TMEM87A: variants seen among roughly 807,000 people sequenced by gnomAD.
TMEM87A encodes the protein transmembrane protein 87A.
A neutral mutation model predicts 90.0 loss-of-function variants in TMEM87A; 50 were observed. The ratio of observed to expected loss-of-function variants is 0.56; its 90% CI spans 0.44 to 0.70. TMEM87A has a LOEUF of 0.70. Among genes scored for constraint, TMEM87A ranks in the 30% least tolerant of loss-of-function variants. The pLI is 0.00. For missense variants in TMEM87A, 577 were observed against 660.5 expected (o/e 0.87, Z 1.39); for synonymous variants, 226 against 226.7 (o/e 1.00, Z 0.03).
At chr15:42,268,645 C>T (rs927147892) in intron 2 of TMEM87A, among the ~76,000 whole-genome samples, 3 of 151,688 alleles carry the variant, frequency 2.0e-5, no homozygotes, top group Admixed American at 1.3e-4. Flanking sequence ...CCAGCCTGGG[C>T]GACAGAGCGA....
At chr15:42,256,488 A>C (rs539846722) in intron 6 of TMEM87A, among the ~76,000 whole-genome samples, 1 of 152,328 alleles carries the variant, frequency 6.6e-6, no homozygotes, top group South Asian at 2.1e-4. Flanking sequence ...ATTTTCAGGA[A>C]GAAAGATCAA....
intron 2 of TMEM87A, among the ~76,000 whole-genome samples, chr15:42,269,058 A>G (rs1300890014): frequency 1.3e-5 from 2 of 152,028 alleles, no homozygotes; most frequent in African/African-American, 4.8e-5. Flanking sequence ...AAGGAAGCTC[A>G]TGTTATCATG....
At chr15:42,214,124 CG>C (rs200303558) in intron 19 of TMEM87A, among the ~76,000 whole-genome samples, 7 of 150,606 alleles carry the variant, frequency 4.6e-5, no homozygotes, top group Non-Finnish European at 7.4e-5. Flanking sequence ...ATAGAAAATC[CG>C]GGGGGGGAAC....
chr15:42,247,497 C>A (rs2050999555), intron 6 of TMEM87A, among the ~76,000 whole-genome samples: 1 of 152,186 alleles, frequency 6.6e-6, no homozygotes, highest in African/African-American at 2.4e-5. Context: ...TTTCAGCTTT[C>A]TACATATGCC....
chr15:42,240,980 T>C (rs909608833), intron 7 of TMEM87A, among the ~76,000 whole-genome samples: 2 of 152,256 alleles, frequency 1.3e-5, no homozygotes, highest in African/African-American at 2.4e-5. Context: ...GGGCCAAATC[T>C]GGCCACCAGC....
chr15:42,247,805 T>C (rs1419604568), intron 6 of TMEM87A, among the ~76,000 whole-genome samples: 2 of 152,196 alleles, frequency 1.3e-5, no homozygotes, highest in African/African-American at 2.4e-5. Flanking sequence ...TCGAAGTATT[T>C]TTTCCAATTC....
chr15:42,267,885 A>C, intron 3 of TMEM87A, 62 bp downstream of exon 3: 1 of 1,334,054 alleles, frequency 7.5e-7, no homozygotes, highest in Non-Finnish European at 1.1e-6. Flanking sequence ...CTATGAAATT[A>C]AGAGACTGGA....
At chr15:42,264,699 A>ATATATATTTTTATT in intron 3 of TMEM87A, among the ~76,000 whole-genome samples, 1 of 109,436 alleles carries the variant, frequency 9.1e-6, no homozygotes, top group Non-Finnish European at 1.9e-5. Context: ...ATATATATAT[A>ATATATATTTTTATT]TTTTTTTTTT....
chr15:42,215,153 ATGG>A (rs1240874629), intron 19 of TMEM87A, among the ~76,000 whole-genome samples: 9 of 152,204 alleles, frequency 5.9e-5, no homozygotes, highest in Non-Finnish European at 1.0e-4. Context: ...CTGGAATACA[ATGG>A]TAAGTATTTG....
At chr15:42,243,816 G>A (rs1305785786) in intron 7 of TMEM87A, among the ~76,000 whole-genome samples, 1 of 151,938 alleles carries the variant, frequency 6.6e-6, no homozygotes, top group Non-Finnish European at 1.5e-5. Flanking sequence ...CACCGCGCCC[G>A]GCCAATGTTA....
At chr15:42,213,392 C>G (rs1270636102) in intron 19 of TMEM87A, among the ~76,000 whole-genome samples, 1 of 152,210 alleles carries the variant, frequency 6.6e-6, no homozygotes, top group Non-Finnish European at 1.5e-5. Context: ...GAATCCCCAA[C>G]ATCCCCAAAT....
At chr15:42,252,340 G>C (rs1428252808) in intron 6 of TMEM87A, among the ~76,000 whole-genome samples, 1 of 152,186 alleles carries the variant, frequency 6.6e-6, no homozygotes, top group Non-Finnish European at 1.5e-5. Context: ...GATCACGCTG[G>C]GAGCTGTAGA....
At chr15:42,239,601 C>T in intron 8 of TMEM87A, 69 bp downstream of exon 8, 1 of 1,314,024 alleles carries the variant, frequency 7.6e-7, no homozygotes, top group Non-Finnish European at 1.1e-6. Context: ...AATACTGCCA[C>T]AAAACATGGG....
intron 6 of TMEM87A, among the ~76,000 whole-genome samples, chr15:42,244,738 A>G (rs1212008577): frequency 2.8e-5 from 4 of 144,912 alleles, no homozygotes; most frequent in Non-Finnish European, 4.6e-5. Context: ...ACAAATTAAC[A>G]GTCTCCAAGT....
intron 15 of TMEM87A, among the ~76,000 whole-genome samples, chr15:42,223,939 T>C (rs752534631): frequency 2.6e-5 from 4 of 152,142 alleles, no homozygotes; most frequent in Admixed American, 1.3e-4. Flanking sequence ...GGGAACGTAA[T>C]CTGGAAATAC....
At chr15:42,227,542 C>G (rs1411542168) in intron 14 of TMEM87A, 169 bp downstream of exon 14, 1 of 561,814 alleles carries the variant, frequency 1.8e-6, no homozygotes, top group Admixed American at 3.2e-5. Flanking sequence ...TACCAAGCAC[C>G]ATGATAGTAC....
chr15:42,221,293 GAGAC>G (rs1251465307), intron 15 of TMEM87A, among the ~76,000 whole-genome samples: 4 of 147,222 alleles, frequency 2.7e-5, no homozygotes, highest in Middle Eastern at 3.4e-3. Context: ...GAGAGAGAGA[GAGAC>G]AGAGAGAGAG....
In TMEM87A at chr15:42,210,758, G is replaced by A. The variant is rs933671326; in HGVS notation, c.*950C>T. 6.5e-6 allele frequency: 1 copy of A among 152,816 alleles called. No individual in the cohort carries two copies. Among genetic ancestry groups the A allele is most frequent in the East Asian group, 1.9e-4 (1 of 5,194 alleles). 9.5% of individuals were successfully genotyped at this position (152,816 alleles called of 1,614,324 possible). Reference sequence around the variant, plus strand: ...GTCCAGGGCCTCCACGCTACTTCATGCAATAACTGTTTAAATTAAGCCAGC... The same window carrying A: ...GTCCAGGGCCTCCACGCTACTTCATACAATAACTGTTTAAATTAAGCCAGC... On this transcript the variant is annotated 3_prime_UTR_variant, in exon 20 of 20. Transcript: ENST00000389834.
At chr15:42,228,176 A>T (rs1238121138) in intron 13 of TMEM87A, among the ~76,000 whole-genome samples, 1 of 152,210 alleles carries the variant, frequency 6.6e-6, no homozygotes, top group African/African-American at 2.4e-5. Context: ...GGCTGATAAA[A>T]CGACTGTAAC....
Sources: allele counts gnomAD v4.1 joint callset (sites outside exome capture counted in the v4.1 genomes callset), GRCh38; gene constraint gnomAD v4.1.1; transcripts MANE v1.5; gene names NCBI Gene and HGNC (gene_info 2026-07-23, HGNC 2026-07-21).